Variants in NEXMIF observed in about 807,000 individuals in gnomAD.
The protein encoded by NEXMIF is neurite extension and migration factor, also known as XLMR protein related to neurite extension.
Under a neutral mutation model 62.1 loss-of-function variants are expected in NEXMIF, and 8 were observed. The observed-to-expected ratio is 0.13, with a 90% CI of 0.08 to 0.23. NEXMIF has a LOEUF of 0.23. NEXMIF is among the 10% of genes least tolerant of loss of function. The probability of loss-of-function intolerance (pLI) is 1.00; values close to 1 mark genes in which losing one functional copy is unlikely to be tolerated. For missense variants in NEXMIF, 976 were observed against 1,113.3 expected (o/e 0.88, Z 1.75); for synonymous variants, 404 against 416.6 (o/e 0.97, Z 0.37).
At chrX:74,881,968 G>A (rs757160164) in intron 1 of NEXMIF, among the ~76,000 whole-genome samples, 13 of 111,407 alleles carry the variant, frequency 1.2e-4, no homozygotes, top group Non-Finnish European at 1.5e-4. Flanking sequence ...TTTCAACATA[G>A]TCTCCCATGT....
chrX:74,872,064 C>T (rs1036104466), intron 1 of NEXMIF, among the ~76,000 whole-genome samples: 1 of 111,487 alleles, frequency 9.0e-6, no homozygotes, highest in Non-Finnish European at 1.9e-5. Flanking sequence ...CGTTCAGAGA[C>T]TGCAGTAAAG....
At chrX:74,757,153 A>C (rs1295737137) in intron 1 of NEXMIF, among the ~76,000 whole-genome samples, 5 of 112,189 alleles carry the variant, frequency 4.5e-5, no homozygotes, top group Admixed American at 1.9e-4. Flanking sequence ...TTTAAATGTA[A>C]ATTAATTAAA....
intron 1 of NEXMIF, among the ~76,000 whole-genome samples, chrX:74,865,068 G>C (rs1156537385): frequency 8.9e-6 from 1 of 111,892 alleles, no homozygotes; most frequent in African/African-American, 3.3e-5. Flanking sequence ...GGTACCAGTA[G>C]AGTGGAGTAC....
chrX:74,745,801 C>T (rs956360524), intron 1 of NEXMIF, 104 bp from the exon 2 acceptor site: 2 of 441,089 alleles, frequency 4.5e-6, no homozygotes, highest in Non-Finnish European at 7.9e-6. Context: ...TGGGATTTAC[C>T]TGTTTCCAGA....
At chrX:74,886,295 C>G (rs1163284752) in intron 1 of NEXMIF, among the ~76,000 whole-genome samples, 1 of 111,514 alleles carries the variant, frequency 9.0e-6, no homozygotes, top group African/African-American at 3.3e-5. Flanking sequence ...GAAGTTCTGG[C>G]TAGGGCAATG....
At chrX:74,839,052 C>A (rs933285069) in intron 1 of NEXMIF, among the ~76,000 whole-genome samples, 1 of 111,850 alleles carries the variant, frequency 8.9e-6, no homozygotes, top group Admixed American at 9.5e-5. Context: ...GAAAAGTAAA[C>A]ATGCATCCCC....
intron 1 of NEXMIF, among the ~76,000 whole-genome samples, chrX:74,816,422 C>A (rs1388396568): frequency 9.0e-6 from 1 of 111,166 alleles, no homozygotes; most frequent in African/African-American, 3.3e-5. Context: ...AATTGAAGCC[C>A]AGTAAATATA....
intron 1 of NEXMIF, among the ~76,000 whole-genome samples, chrX:74,922,341 T>G (rs1330806550): frequency 1.4e-5 from 1 of 73,703 alleles, no homozygotes; most frequent in East Asian, 3.1e-4. Flanking sequence ...GTTATGGGTG[T>G]GTGTGTGTGT....
At chrX:74,756,795 G>C (rs931437493) in intron 1 of NEXMIF, among the ~76,000 whole-genome samples, 3 of 111,919 alleles carry the variant, frequency 2.7e-5, no homozygotes, top group Non-Finnish European at 5.6e-5. Context: ...GATGCCCAAA[G>C]CCATACACGT....
chrX:74,838,796 TTTA>T (rs1244815610), intron 1 of NEXMIF, among the ~76,000 whole-genome samples: 1 of 112,154 alleles, frequency 8.9e-6, no homozygotes, highest in African/African-American at 3.2e-5. Flanking sequence ...TTATACATCA[TTTA>T]TTATCATCCT....
intron 1 of NEXMIF, among the ~76,000 whole-genome samples, chrX:74,884,286 T>C (rs762978334): frequency 3.6e-5 from 4 of 111,530 alleles, no homozygotes; most frequent in Admixed American, 9.5e-5. Context: ...ATCAAATTCA[T>C]ACATAACAAT....
chrX:74,772,237 T>C (rs1326813655), intron 1 of NEXMIF, among the ~76,000 whole-genome samples: 1 of 112,135 alleles, frequency 8.9e-6, no homozygotes, highest in Non-Finnish European at 1.9e-5. Flanking sequence ...TTAGGATAAA[T>C]TGAAAAACCT....
At chrX:74,781,452 G>A (rs1602225430) in intron 1 of NEXMIF, among the ~76,000 whole-genome samples, 1 of 108,704 alleles carries the variant, frequency 9.2e-6, no homozygotes, top group Non-Finnish European at 1.9e-5. Context: ...GAGGGAGAAA[G>A]AACAAGAGGG....
chrX:74,788,005 A>G (rs1340466624), intron 1 of NEXMIF, among the ~76,000 whole-genome samples: 3 of 111,988 alleles, frequency 2.7e-5, no homozygotes, highest in Non-Finnish European at 5.6e-5. Flanking sequence ...AGAGCACCAG[A>G]GTCAATCATG....
intron 1 of NEXMIF, among the ~76,000 whole-genome samples, chrX:74,891,086 A>C (rs2080716292): frequency 9.0e-6 from 1 of 111,627 alleles, no homozygotes; most frequent in Admixed American, 9.5e-5. Flanking sequence ...TTTTGTAATT[A>C]AATTTCAGAA....
chrX:74,830,669 T>A (rs2080433159), intron 1 of NEXMIF, among the ~76,000 whole-genome samples: 1 of 112,228 alleles, frequency 8.9e-6, no homozygotes, highest in South Asian at 3.7e-4. Context: ...CAATATTGAT[T>A]CTTCCAATCC....
At chrX:74,777,363 A>G (rs2080231729) in intron 1 of NEXMIF, among the ~76,000 whole-genome samples, 1 of 111,663 alleles carries the variant, frequency 9.0e-6, no homozygotes, top group Non-Finnish European at 1.9e-5. Context: ...AATTTGATAC[A>G]TGTATACAAT....
At chrX:74,892,125 T>C (rs1409339792) in intron 1 of NEXMIF, among the ~76,000 whole-genome samples, 1 of 112,450 alleles carries the variant, frequency 8.9e-6, no homozygotes, top group Non-Finnish European at 1.9e-5. Context: ...ATTAGTTCTG[T>C]AAGGTTGTTT....
chrX:74,883,734 C>A (rs1299796322), intron 1 of NEXMIF, among the ~76,000 whole-genome samples: 1 of 111,976 alleles, frequency 8.9e-6, no homozygotes, highest in Non-Finnish European at 1.9e-5. Context: ...AGGATATTCT[C>A]CAGGAGAACT....
Sources: gnomAD v4.1 joint callset for allele counts (sites outside exome capture counted in the v4.1 genomes callset) on GRCh38, gnomAD v4.1.1 for gene constraint, MANE v1.5 for transcripts, NCBI Gene and HGNC (gene_info 2026-07-23, HGNC 2026-07-21) for gene names.